Variants in ZFHX3 observed in about 807,000 individuals in gnomAD.
The protein encoded by ZFHX3 is zinc finger homeobox 3.
Under a neutral mutation model 279.1 loss-of-function variants are expected in ZFHX3, and 42 were observed. The ratio of observed to expected loss-of-function variants is 0.15; its 90% CI spans 0.12 to 0.19. The LOEUF (loss-of-function observed/expected upper bound fraction) is 0.19, where lower values mean the gene tolerates loss of function less well. Among genes scored for constraint, ZFHX3 ranks in the 10% least tolerant of loss-of-function variants. The pLI, the probability that ZFHX3 is intolerant of heterozygous loss-of-function variation, is 1.00. For missense variants in ZFHX3, 4,981 were observed against 4,754.0 expected (o/e 1.05, Z -1.40); for synonymous variants, 2,293 against 1,957.8 (o/e 1.17, Z -4.52).
chr16:73,384,302 T>C (rs139353107), intron 3 of ZFHX3, among the ~76,000 whole-genome samples: 1 of 152,362 alleles, frequency 6.6e-6, no homozygotes, highest in Non-Finnish European at 1.5e-5. Context: ...AACGAGATCA[T>C]ATGGGCTGCA....
At chr16:73,880,058 G>A (rs2030092594) in intron 1 of ZFHX3, among the ~76,000 whole-genome samples, 1 of 152,280 alleles carries the variant, frequency 6.6e-6, no homozygotes, top group Middle Eastern at 3.4e-3. Context: ...GCGTGAATGG[G>A]AGAGTAACAA....
At position 73,716,934 on chromosome 16, in the gene ZFHX3, G is replaced by A. The variant is rs74356957; in HGVS notation, c.-1607-36694C>T. Among the ~76,000 whole-genome samples the A allele has an allele frequency of 6.3e-3, 965 of 152,194 alleles. 42 individuals carry two copies. The East Asian group carries it at 0.1, about 16-fold the overall frequency. On this transcript the variant is annotated intron_variant, in intron 1 of 17. Coordinates refer to the ZFHX3 transcript ENST00000641206. Reference sequence around the variant, plus strand: ...CAAGTAAATCCATCATAAGGTTGGGGTAGGGGGAGGTAAGGGAAGCGATGA... The same window carrying A: ...CAAGTAAATCCATCATAAGGTTGGGATAGGGGGAGGTAAGGGAAGCGATGA...
chr16:73,456,708 G>A (rs751410962), intron 2 of ZFHX3, among the ~76,000 whole-genome samples: 1 of 152,158 alleles, frequency 6.6e-6, no homozygotes, highest in Non-Finnish European at 1.5e-5. Flanking sequence ...AATTAATAGA[G>A]TGCCGCTCCA....
intron 2 of ZFHX3, among the ~76,000 whole-genome samples, chr16:73,564,852 G>A (rs1226453222): frequency 6.6e-6 from 1 of 152,232 alleles, no homozygotes; most frequent in African/African-American, 2.4e-5. Flanking sequence ...TGGTAGCTAT[G>A]CAATGTATTT....
chr16:73,183,712 C>T (rs1695614500), intron 5 of ZFHX3, among the ~76,000 whole-genome samples: 1 of 152,210 alleles, frequency 6.6e-6, no homozygotes. Context: ...CGCCTGACTG[C>T]TCTGCCCTCT....
intron 3 of ZFHX3, 115 bp from the exon 4 acceptor site, chr16:72,890,077 C>T: frequency 1.1e-6 from 1 of 876,336 alleles, no homozygotes; most frequent in South Asian, 1.7e-5. Context: ...GGACACATCT[C>T]CACAGCCAAA....
chr16:72,954,068 C>G (rs954979534), intron 2 of ZFHX3, among the ~76,000 whole-genome samples: 4 of 152,124 alleles, frequency 2.6e-5, no homozygotes, highest in Non-Finnish European at 5.9e-5. Context: ...GGAGCAGGGC[C>G]CCTATAAATA....
intron 3 of ZFHX3, among the ~76,000 whole-genome samples, chr16:73,331,997 C>T (rs990439573): frequency 1.3e-5 from 2 of 152,164 alleles, no homozygotes; most frequent in Middle Eastern, 3.2e-3. Flanking sequence ...AAGAAGATCT[C>T]TTGAGATTCT....
chr16:73,387,462 A>G, intron 3 of ZFHX3, among the ~76,000 whole-genome samples: 1 of 152,190 alleles, frequency 6.6e-6, no homozygotes, highest in African/African-American at 2.4e-5. Context: ...TGGAGAAGAA[A>G]AAGCCATTCA....
intron 4 of ZFHX3, among the ~76,000 whole-genome samples, chr16:72,867,259 T>C (rs762686603): frequency 3.3e-5 from 5 of 152,210 alleles, no homozygotes; most frequent in Non-Finnish European, 7.3e-5. Context: ...TGTGGCATAT[T>C]ATGTGATTAC....
chr16:73,386,115 T>C (rs17370183), intron 3 of ZFHX3, among the ~76,000 whole-genome samples: 52,517 of 152,040 alleles, frequency 0.35, 10,546 homozygotes, highest in Non-Finnish European at 0.46. Context: ...CACCATTCCA[T>C]GTTCTCTTAG....
At chr16:72,982,148 G>T (rs950820303) in intron 1 of ZFHX3, among the ~76,000 whole-genome samples, 7 of 152,212 alleles carry the variant, frequency 4.6e-5, no homozygotes, top group African/African-American at 1.4e-4. Context: ...CTCCCAAAGC[G>T]CTGTGATTAC....
chr16:73,373,367 G>A (rs1272437588), intron 3 of ZFHX3, among the ~76,000 whole-genome samples: 2 of 152,120 alleles, frequency 1.3e-5, no homozygotes, highest in East Asian at 1.9e-4. Flanking sequence ...ATTGACCTAG[G>A]AGCCACGAGC....
intron 5 of ZFHX3, among the ~76,000 whole-genome samples, chr16:73,170,984 G>A (rs370389753): frequency 6.6e-6 from 1 of 152,230 alleles, no homozygotes; most frequent in African/African-American, 2.4e-5. Flanking sequence ...GACAGCGTGC[G>A]GCAGGGATTC....
chr16:73,571,883 A>G (rs1162362161), intron 2 of ZFHX3, among the ~76,000 whole-genome samples: 2 of 152,170 alleles, frequency 1.3e-5, no homozygotes, highest in Non-Finnish European at 1.5e-5. Context: ...CTGTAAATAC[A>G]TAATTCATAT....
chr16:73,559,904 G>C (rs1018866988), intron 2 of ZFHX3, among the ~76,000 whole-genome samples: 2 of 152,300 alleles, frequency 1.3e-5, no homozygotes, highest in South Asian at 4.1e-4. Context: ...CTGTGAGCAG[G>C]TTTGTGTTCA....
intron 7 of ZFHX3, among the ~76,000 whole-genome samples, chr16:73,121,697 G>A (rs1022591435): frequency 1.3e-5 from 2 of 149,982 alleles, no homozygotes; most frequent in African/African-American, 4.9e-5. Flanking sequence ...CTCACTGCAA[G>A]CTCTGCCTCC....
intron 5 of ZFHX3, among the ~76,000 whole-genome samples, chr16:73,168,213 T>TTC (rs1231763549): frequency 0.012 from 1,112 of 93,274 alleles, 25 homozygotes; most frequent in African/African-American, 0.045. Context: ...TTCTTTTGTT[T>TTC]TCTTTCTTTC....
chr16:72,882,646 G>A (rs2038511233), intron 4 of ZFHX3, among the ~76,000 whole-genome samples: 1 of 152,142 alleles, frequency 6.6e-6, no homozygotes, highest in African/African-American at 2.4e-5. Context: ...ACCTTCCAGG[G>A]CAGCAGCGTC....
Sources: gnomAD v4.1 joint callset for allele counts (sites outside exome capture counted in the v4.1 genomes callset) on GRCh38, gnomAD v4.1.1 for gene constraint, MANE v1.5 for transcripts, NCBI Gene and HGNC (gene_info 2026-07-23, HGNC 2026-07-21) for gene names.